Variants in FSTL5 observed in about 807,000 individuals in gnomAD.
FSTL5 encodes follistatin-related protein 5.
FSTL5 carries 62 observed loss-of-function variants against 89.1 expected under a neutral mutation model. The ratio of observed to expected loss-of-function variants is 0.70; its 90% confidence interval spans 0.57 to 0.86. The LOEUF (loss-of-function observed/expected upper bound fraction) is 0.86, where lower values mean the gene tolerates loss of function less well. Ranked by LOEUF, FSTL5 falls within the 40% of genes least tolerant of loss-of-function variation. The probability of loss-of-function intolerance (pLI) is 0.00; values close to 1 mark genes in which losing one functional copy is unlikely to be tolerated. For synonymous variants in FSTL5, 383 were observed against 346.2 expected (o/e 1.11, Z -1.18); for missense variants, 1,057 against 1,001.6 (o/e 1.06, Z -0.75).
chr4:161,435,068 C>T (rs1011701285), intron 15 of FSTL5, among the ~76,000 whole-genome samples: 2 of 152,010 alleles, frequency 1.3e-5, no homozygotes, highest in African/African-American at 4.8e-5. Flanking sequence ...AATCCCATTG[C>T]TAGGCATATA....
At chr4:161,964,167 G>T (rs1022340457) in intron 3 of FSTL5, among the ~76,000 whole-genome samples, 1 of 151,866 alleles carries the variant, frequency 6.6e-6, no homozygotes, top group Non-Finnish European at 1.5e-5. Context: ...ACTAAATTGA[G>T]GTGGCTTTTA....
intron 7 of FSTL5, among the ~76,000 whole-genome samples, chr4:161,653,240 C>G (rs1461845753): frequency 6.6e-6 from 1 of 152,158 alleles, no homozygotes; most frequent in East Asian, 1.9e-4. Context: ...AAGGCACATA[C>G]TGAAATTGGC....
In FSTL5 at chr4:161,516,635, T is replaced by C. The variant is rs1331259737; in HGVS notation, c.1313-6211A>G. Among the ~76,000 whole-genome samples, 2 of 15,456 alleles carry C rather than the reference T, an allele frequency of 1.3e-4. 1 individual carries two copies. The highest frequency in any genetic ancestry group is 4.4e-4 in the Non-Finnish European group (2 of 4,520). 10.1% of individuals were successfully genotyped at this position (15,456 alleles called of 152,430 possible). A position where few individuals can be genotyped will look rare whatever the true frequency, so the allele number is the denominator to read the frequency against. ...TAAATTATATATTTTATATAATAAA[T>C]TATATATTTTATATAATAAATTATA... On this transcript the variant is annotated intron_variant, in intron 10 of 15. Transcript: ENST00000306100.
At chr4:161,480,892 T>A (rs141245596) in intron 13 of FSTL5, 128 bp downstream of exon 13, 4 of 626,650 alleles carry the variant, frequency 6.4e-6, no homozygotes, top group Non-Finnish European at 1.1e-5. Flanking sequence ...AGAAAATGCA[T>A]AAATTTTCTA....
chr4:161,866,692 G>T (rs1289378460), intron 4 of FSTL5, among the ~76,000 whole-genome samples: 1 of 151,566 alleles, frequency 6.6e-6, no homozygotes, highest in Non-Finnish European at 1.5e-5. Flanking sequence ...ACTTTATTCT[G>T]ATTAAATTTA....
At chr4:161,454,621 T>C (rs1198357755) in intron 15 of FSTL5, among the ~76,000 whole-genome samples, 1 of 152,194 alleles carries the variant, frequency 6.6e-6, no homozygotes, top group Non-Finnish European at 1.5e-5. Context: ...CCATACCAAG[T>C]TTCAGTTAAC....
At chr4:161,804,519 G>A (rs1221694393) in intron 4 of FSTL5, among the ~76,000 whole-genome samples, 1 of 106,332 alleles carries the variant, frequency 9.4e-6, no homozygotes, top group Non-Finnish European at 1.9e-5. Flanking sequence ...GATCAAATAT[G>A]TTCTGTACAA....
chr4:162,063,675 T>A (rs1188134871), intron 2 of FSTL5, among the ~76,000 whole-genome samples: 1 of 151,994 alleles, frequency 6.6e-6, no homozygotes, highest in East Asian at 1.9e-4. Flanking sequence ...TATTATTGTT[T>A]GAGCAAAGCT....
chr4:161,397,170 A>G (rs1016974001), intron 15 of FSTL5, among the ~76,000 whole-genome samples: 1 of 152,140 alleles, frequency 6.6e-6, no homozygotes, highest in South Asian at 2.1e-4. Flanking sequence ...CAAAAACACA[A>G]AGAAAACTAT....
intron 2 of FSTL5, among the ~76,000 whole-genome samples, chr4:162,095,097 T>A (rs895419557): frequency 6.6e-6 from 1 of 152,012 alleles, no homozygotes; most frequent in Non-Finnish European, 1.5e-5. Context: ...TAGAAAAAAA[T>A]TACTTTAAAA....
intron 1 of FSTL5, among the ~76,000 whole-genome samples, chr4:162,134,773 C>CA (rs1363559700): frequency 6.6e-6 from 1 of 152,152 alleles, no homozygotes; most frequent in Non-Finnish European, 1.5e-5. Context: ...GCTCACAACT[C>CA]AATCTTATGC....
intron 5 of FSTL5, among the ~76,000 whole-genome samples, chr4:161,773,300 C>A (rs1741276437): frequency 6.6e-6 from 1 of 151,796 alleles, no homozygotes; most frequent in African/African-American, 2.4e-5. Flanking sequence ...ACTTCATGAC[C>A]AAGAACCCAA....
intron 15 of FSTL5, among the ~76,000 whole-genome samples, chr4:161,395,992 G>T (rs998576410): frequency 6.6e-6 from 1 of 152,006 alleles, no homozygotes; most frequent in East Asian, 1.9e-4. Context: ...CCTAGACTTG[G>T]CCATGTGACT....
At chr4:161,987,470 G>GTA (rs201220219) in intron 3 of FSTL5, among the ~76,000 whole-genome samples, 132 of 130,104 alleles carry the variant, frequency 1.0e-3, no homozygotes, top group African/African-American at 1.5e-3. Flanking sequence ...ATATATATAT[G>GTA]TATATATATA....
At chr4:161,763,890 CA>C (rs1740897623) in intron 5 of FSTL5, among the ~76,000 whole-genome samples, 3 of 152,178 alleles carry the variant, frequency 2.0e-5, no homozygotes. Context: ...TTCTCCCATA[CA>C]GTCAATATAA....
intron 1 of FSTL5, among the ~76,000 whole-genome samples, chr4:162,145,232 G>A (rs145766782): frequency 2.6e-5 from 4 of 151,786 alleles, no homozygotes; most frequent in Non-Finnish European, 5.9e-5. Flanking sequence ...GTAGTGAAAA[G>A]GAAATATCTA....
At chr4:161,997,601 C>CT (rs60978465) in intron 3 of FSTL5, among the ~76,000 whole-genome samples, 39,988 of 127,422 alleles carry the variant, frequency 0.31, 7,061 homozygotes, top group Non-Finnish European at 0.36. Context: ...TACATGTTAT[C>CT]TTTTTTTTTT....
Position 161,384,257 on chromosome 4 carries a change from T to G in FSTL5, c.*1490A>C, listed in dbSNP as rs976379716. On this transcript the variant is annotated 3_prime_UTR_variant, in exon 16 of 16. Coordinates refer to ENST00000306100, the MANE Select transcript of FSTL5 (RefSeq NM_020116.5). ...AATTTAAACTTGAGTAAAATTTGTA[T>G]ATTTAAAAAAGACCTTATTGGATTA... 1 of 152,144 alleles carries G rather than the reference T, an allele frequency of 6.6e-6. No homozygotes were observed. The highest frequency in any genetic ancestry group is 6.5e-5 in the Admixed American group (1 of 15,274). 9.4% of individuals were successfully genotyped at this position (152,144 alleles called of 1,614,324 possible).
intron 15 of FSTL5, among the ~76,000 whole-genome samples, chr4:161,401,176 T>C (rs934394806): frequency 2.0e-5 from 3 of 152,266 alleles, no homozygotes; most frequent in Admixed American, 6.5e-5. Flanking sequence ...ACAAACAAGG[T>C]TGAAGTAGTT....
Sources: allele counts gnomAD v4.1 joint callset (sites outside exome capture counted in the v4.1 genomes callset), GRCh38; gene constraint gnomAD v4.1.1; transcripts MANE v1.5; gene names NCBI Gene and HGNC (gene_info 2026-07-23, HGNC 2026-07-21).